The following ADAMTS17 variants were observed in gnomAD, a reference collection of about 807,000 sequenced individuals.
ADAMTS17 encodes ADAM metallopeptidase with thrombospondin type 1 motif 17, also known as A disintegrin and metalloproteinase with thrombospondin motifs 17.
Under a neutral mutation model 141.5 loss-of-function variants are expected in ADAMTS17, and 113 were observed. The observed-to-expected ratio is 0.80, with a 90% CI of 0.69 to 0.93. The LOEUF (loss-of-function observed/expected upper bound fraction) is 0.93, where lower values mean the gene tolerates loss of function less well. Among genes scored for constraint, ADAMTS17 ranks in the 40% least tolerant of loss-of-function variants. The probability of loss-of-function intolerance (pLI) is 0.00; values close to 1 mark genes in which losing one functional copy is unlikely to be tolerated. For synonymous variants in ADAMTS17, 768 were observed against 630.6 expected (o/e 1.22, Z -3.27); for missense variants, 1,659 against 1,517.9 (o/e 1.09, Z -1.54).
At position 100,077,030 on chromosome 15, in the gene ADAMTS17, T is replaced by G. The variant is rs187186187; in HGVS notation, c.2137+19326A>C. Reference sequence around the variant, plus strand: ...ATAAGAAACAACACTGTATCATATATGAATATGCACAGAAAACCCCTCCAC... The same window carrying G: ...ATAAGAAACAACACTGTATCATATAGGAATATGCACAGAAAACCCCTCCAC... On this transcript the variant is annotated intron_variant, in intron 15 of 21. Coordinates refer to ENST00000268070, the MANE Select transcript of ADAMTS17 (RefSeq NM_139057.4). 3.2e-4 allele frequency among the ~76,000 whole-genome samples: 48 copies of G among 152,108 alleles called. No individual in the cohort carries two copies. In the South Asian group the frequency reaches 9.8e-3, roughly 31 times the overall value.
chr15:100,212,251 C>G (rs764791236), intron 7 of ADAMTS17, among the ~76,000 whole-genome samples: 2 of 152,150 alleles, frequency 1.3e-5, no homozygotes, highest in Non-Finnish European at 2.9e-5. Flanking sequence ...GGCTGCAGAT[C>G]CCCTGTAACC....
chr15:100,025,128 G>A (rs773688330), intron 18 of ADAMTS17, among the ~76,000 whole-genome samples: 3 of 152,110 alleles, frequency 2.0e-5, no homozygotes, highest in Non-Finnish European at 4.4e-5. Context: ...TATATAAATG[G>A]CTGCTGTGTT....
At position 100,341,123 on chromosome 15, in the gene ADAMTS17, G is replaced by C. The variant is rs767836755; in HGVS notation, c.366C>G (p.Ala122=). The C allele has an allele frequency of 6.9e-6, 10 of 1,443,790 alleles. No homozygotes were observed. Among genetic ancestry groups the C allele is most frequent in the Admixed American group, 5.3e-5 (2 of 37,678 alleles). 89.4% of individuals were successfully genotyped at this position (1,443,790 alleles called of 1,614,324 possible). A position where few individuals can be genotyped will look rare whatever the true frequency, so the allele number is the denominator to read the frequency against. Residue 122 remains alanine (A), a synonymous_variant, in exon 2 of 22, where the codon GCC becomes GCG. Coordinates refer to ENST00000268070, the MANE Select transcript of ADAMTS17 (RefSeq NM_139057.4). ...CACGGCCCGAGTAGAAGCACAGCTC[G>C]GCGGGGCGGCCGCGGCGCCGGGCCG... ...AGAARRRGRP[A]ELCFYSGRVL...
chr15:100,081,410 ATGTGTGTATCTCCTCT>A (rs1210792586), intron 15 of ADAMTS17, among the ~76,000 whole-genome samples: 2 of 152,214 alleles, frequency 1.3e-5, no homozygotes, highest in Non-Finnish European at 2.9e-5. Flanking sequence ...ATATATATGT[ATGTGTGTATCTCCTCT>A]ACAGAACCCT....
Position 100,277,288 on chromosome 15 carries a change from G to A in ADAMTS17, c.789+3941C>T, listed in dbSNP as rs568448410. 5.9e-5 allele frequency among the ~76,000 whole-genome samples: 9 copies of A among 152,138 alleles called. No homozygotes were observed. The South Asian group carries it at 1.9e-3, about 32-fold the overall frequency. ...AAGCAGCTGAAGAGGGGTGCAGGGTGTTTAATCAAAGGCAAAAAACAGAGC... is the reference window on the plus strand; with the variant it reads ...AAGCAGCTGAAGAGGGGTGCAGGGTATTTAATCAAAGGCAAAAAACAGAGC... On this transcript the variant is annotated intron_variant, in intron 4 of 21. Transcript: ENST00000268070.
intron 3 of ADAMTS17, among the ~76,000 whole-genome samples, chr15:100,320,048 T>C (rs1335927213): frequency 6.6e-6 from 1 of 152,080 alleles, no homozygotes; most frequent in East Asian, 1.9e-4. Context: ...CTTCTAAAAG[T>C]ATTGAATATA....
chr15:100,173,576 C>G (rs376515015), intron 8 of ADAMTS17, among the ~76,000 whole-genome samples: 41 of 152,332 alleles, frequency 2.7e-4, no homozygotes, highest in African/African-American at 9.9e-4. Flanking sequence ...AGGCAGGAAG[C>G]CTGTCCTTCC....
At chr15:100,084,151 A>G (rs28735649) in intron 15 of ADAMTS17, among the ~76,000 whole-genome samples, 49,539 of 151,960 alleles carry the variant, frequency 0.33, 10,324 homozygotes, top group African/African-American at 0.57. Flanking sequence ...CCCTAATACC[A>G]CACTCTTACA....
chr15:100,262,013 A>C (rs2043537404), intron 5 of ADAMTS17, among the ~76,000 whole-genome samples: 2 of 152,178 alleles, frequency 1.3e-5, no homozygotes, highest in Admixed American at 6.5e-5. Context: ...CCATGAACCC[A>C]AACTGGGGTC....
Position 100,174,652 on chromosome 15 carries a change from C to T in ADAMTS17, c.1182-19332G>A, listed in dbSNP as rs146972069. On this transcript the variant is annotated intron_variant, in intron 8 of 21. Coordinates refer to ENST00000268070, the MANE Select transcript of ADAMTS17 (RefSeq NM_139057.4). ...CTTGCAGTAATCACTGCTGCTCAAC[C>T]GGCATTCATTTCACAGGATAAAAAT... Among the ~76,000 whole-genome samples the T allele has an allele frequency of 5.6e-3, 858 of 152,266 alleles. 10 individuals carry two copies. Among genetic ancestry groups the T allele is most frequent in the African/African-American group, 0.018 (760 of 41,534 alleles).
At chr15:100,221,913 C>T (rs373840713) in intron 7 of ADAMTS17, among the ~76,000 whole-genome samples, 1 of 152,194 alleles carries the variant, frequency 6.6e-6, no homozygotes, top group South Asian at 2.1e-4. Context: ...ACACCTCTGC[C>T]GGAGGCCGCC....
chr15:100,092,204 T>A (rs892495137), intron 15 of ADAMTS17, among the ~76,000 whole-genome samples: 2 of 152,240 alleles, frequency 1.3e-5, no homozygotes, highest in African/African-American at 4.8e-5. Flanking sequence ...CATTTGACTC[T>A]GTCTTTTATA....
In ADAMTS17 at chr15:100,298,622, T is replaced by C. The variant is rs183310462; in HGVS notation, c.617-17221A>G. Among the ~76,000 whole-genome samples the C allele has an allele frequency of 1.8e-3, 276 of 152,144 alleles. 2 individuals carry two copies. Among genetic ancestry groups the C allele is most frequent in the Middle Eastern group, 6.8e-3 (2 of 294 alleles). On this transcript the variant is annotated intron_variant, in intron 3 of 21. Transcript: ENST00000268070. ...TGGAGGGAGAAAGAAAGGGAAATCA[T>C]ATACATTGCATTAGGGAAGAACAAA...
chr15:100,209,113 C>CA lies in ADAMTS17; in HGVS notation c.1076-9691dup, dbSNP rs60742726. 8.1e-3 allele frequency among the ~76,000 whole-genome samples: 789 copies of CA among 96,920 alleles called. 19 individuals carry two copies. Among genetic ancestry groups the CA allele is most frequent in the African/African-American group, 0.035 (761 of 21,654 alleles). 63.6% of individuals were successfully genotyped at this position (96,920 alleles called of 152,430 possible). On this transcript the variant is annotated intron_variant, in intron 7 of 21. Transcript: ENST00000268070. ...TGCATGGAAATATTTGCCAAGTTAG[C>CA]AAAAAAAAAAAAAAAAAAAAGGAAG...
Position 100,276,750 on chromosome 15 carries a change from T to C in ADAMTS17, c.789+4479A>G, listed in dbSNP as rs79319347. On this transcript the variant is annotated intron_variant, in intron 4 of 21. Transcript: ENST00000268070. ...CGTTCTGCTCTATGTTCCAGGGGGC[T>C]TGTCTAATGACAGCCCAGCCACAAT... 5.3e-3 allele frequency among the ~76,000 whole-genome samples: 813 copies of C among 152,232 alleles called. 15 individuals carry two copies. In the East Asian group the frequency reaches 0.068, roughly 13 times the overall value.
chr15:100,242,261 G>A (rs142249212), intron 7 of ADAMTS17, among the ~76,000 whole-genome samples: 4 of 152,132 alleles, frequency 2.6e-5, no homozygotes, highest in Non-Finnish European at 4.4e-5. Flanking sequence ...TCCAGCGGCC[G>A]AGCAGTCACT....
intron 2 of ADAMTS17, among the ~76,000 whole-genome samples, chr15:100,335,538 G>A (rs1434467151): frequency 1.3e-5 from 2 of 152,206 alleles, no homozygotes; most frequent in Non-Finnish European, 2.9e-5. Flanking sequence ...CTTTCTCTCT[G>A]AGCCTTGCTG....
chr15:99,983,888 T>C (rs2060530346), intron 20 of ADAMTS17, among the ~76,000 whole-genome samples: 1 of 152,048 alleles, frequency 6.6e-6, no homozygotes. Context: ...GCTTGGCTGG[T>C]GAAATGTCAA....
chr15:100,028,158 A>C (rs1394766811), intron 18 of ADAMTS17, among the ~76,000 whole-genome samples: 1 of 152,158 alleles, frequency 6.6e-6, no homozygotes, highest in Non-Finnish European at 1.5e-5. Flanking sequence ...TGCTCTGCTG[A>C]CCTGACCCAC....
Sources: gnomAD v4.1 joint callset for allele counts (sites outside exome capture counted in the v4.1 genomes callset) on GRCh38, gnomAD v4.1.1 for gene constraint, MANE v1.5 for transcripts, NCBI Gene and HGNC (gene_info 2026-07-23, HGNC 2026-07-21) for gene names.